STAG1: variants seen among roughly 807,000 people sequenced by gnomAD.
STAG1 encodes STAG1 cohesin complex component, also known as cohesin subunit SA-1.
STAG1 carries 26 observed loss-of-function variants against 170.9 expected under a neutral mutation model. The ratio of observed to expected loss-of-function variants is 0.15; its 90% CI spans 0.11 to 0.21. The LOEUF is 0.21. Ranked by LOEUF, STAG1 falls within the 10% of genes least tolerant of loss-of-function variation. The pLI is 1.00. For synonymous variants in STAG1, 514 were observed against 497.7 expected, an observed-to-expected ratio of 1.03 and a Z score of -0.44; for missense variants, 964 against 1,509.5, an observed-to-expected ratio of 0.64 and a Z score of 5.99.
intron 1 of STAG1, among the ~76,000 whole-genome samples, chr3:136,697,174 A>G (rs1016460369): frequency 1.3e-5 from 2 of 152,216 alleles, no homozygotes; most frequent in East Asian, 1.9e-4. Flanking sequence ...TTATAAATTA[A>G]AATTTTCCAC....
intron 1 of STAG1, among the ~76,000 whole-genome samples, chr3:136,691,473 A>G (rs1247359268): frequency 6.6e-6 from 1 of 152,076 alleles, no homozygotes; most frequent in Non-Finnish European, 1.5e-5. Flanking sequence ...ACATTCCTAC[A>G]GTCCCAGCTA....
chr3:136,663,551 T>C (rs1248306524), intron 1 of STAG1, among the ~76,000 whole-genome samples: 1 of 152,208 alleles, frequency 6.6e-6, no homozygotes, highest in East Asian at 1.9e-4. Flanking sequence ...CAAGCAATCA[T>C]GTTTTCATCA....
intron 4 of STAG1, among the ~76,000 whole-genome samples, chr3:136,569,440 TTAGGG>T (rs2107762817): frequency 6.7e-6 from 1 of 149,202 alleles, no homozygotes; most frequent in African/African-American, 2.4e-5. Context: ...TCTAGGAAAA[TTAGGG>T]TTCAATAAAA....
chr3:136,630,816 GT>G, intron 2 of STAG1, 53 bp downstream of exon 2: 1 of 1,265,262 alleles, frequency 7.9e-7, no homozygotes, highest in Non-Finnish European at 1.1e-6. Flanking sequence ...AAAGAAATAA[GT>G]TGTCCAAAAT....
intron 12 of STAG1, among the ~76,000 whole-genome samples, chr3:136,469,362 C>T (rs1289235323): frequency 6.6e-6 from 1 of 152,140 alleles, no homozygotes; most frequent in East Asian, 1.9e-4. Flanking sequence ...AGAGCCAAAT[C>T]ACGAGTGAAC....
intron 5 of STAG1, among the ~76,000 whole-genome samples, chr3:136,555,705 GTCAATCAA>G (rs1005455412): frequency 7.5e-6 from 1 of 133,008 alleles, no homozygotes; most frequent in East Asian, 1.9e-4. Flanking sequence ...CAATCAATCA[GTCAATCAA>G]TCAATCAAGT....
intron 1 of STAG1, among the ~76,000 whole-genome samples, chr3:136,687,396 T>G (rs1001239097): frequency 6.6e-6 from 1 of 152,212 alleles, no homozygotes; most frequent in African/African-American, 2.4e-5. Context: ...ATTTTTTTTC[T>G]TGAATTATAT....
intron 7 of STAG1, among the ~76,000 whole-genome samples, chr3:136,511,177 T>C (rs1291970678): frequency 6.6e-6 from 1 of 152,204 alleles, no homozygotes; most frequent in Non-Finnish European, 1.5e-5. Context: ...CATTCTGCCA[T>C]GATTGTAAGT....
chr3:136,336,898 C>T lies in STAG1; in HGVS notation c.*1356G>A, dbSNP rs1188235764. Reference sequence around the variant, plus strand: ...GTTGCAGCTACTTTAAAAACCAGCCCAGAAACAGCTGTGGATGAATTGGTT... The same window carrying T: ...GTTGCAGCTACTTTAAAAACCAGCCTAGAAACAGCTGTGGATGAATTGGTT... On this transcript the variant is annotated 3_prime_UTR_variant, in exon 34 of 34. Transcript: ENST00000383202. 6.6e-6 allele frequency: 1 copy of T among 152,156 alleles called. No homozygotes were observed. Among genetic ancestry groups the T allele is most frequent in the Non-Finnish European group, 1.5e-5 (1 of 68,034 alleles). 9.4% of individuals were successfully genotyped at this position (152,156 alleles called of 1,614,324 possible).
intron 1 of STAG1, among the ~76,000 whole-genome samples, chr3:136,714,287 A>C (rs1943462806): frequency 6.6e-6 from 1 of 152,210 alleles, no homozygotes; most frequent in East Asian, 1.9e-4. Flanking sequence ...TTAGGGTGTG[A>C]AAATATTTTT....
intron 3 of STAG1, among the ~76,000 whole-genome samples, chr3:136,617,856 A>G (rs1939667812): frequency 6.6e-6 from 1 of 152,232 alleles, no homozygotes; most frequent in Non-Finnish European, 1.5e-5. Context: ...AAACTTTGGA[A>G]TTTGAATATT....
In STAG1 at chr3:136,352,662, T is replaced by C. The variant is rs373072707; in HGVS notation, c.3066-3299A>G. On this transcript the variant is annotated intron_variant, in intron 28 of 33. Coordinates refer to ENST00000383202, the MANE Select transcript of STAG1 (RefSeq NM_005862.3). ...TGATAGTGCTTTTAGCTGTGTACTT[T>C]AATGGTGAGTACCTATACAATCATT... Among the ~76,000 whole-genome samples, 29 of 152,330 alleles carry C rather than the reference T, an allele frequency of 1.9e-4. 3 individuals are homozygous for C. Among genetic ancestry groups the C allele is most frequent in the Admixed American group, 8.5e-4 (13 of 15,298 alleles).
At chr3:136,535,465 C>G (rs1935573389) in intron 6 of STAG1, among the ~76,000 whole-genome samples, 1 of 152,188 alleles carries the variant, frequency 6.6e-6, no homozygotes, top group Non-Finnish European at 1.5e-5. Context: ...GAGTTCAAGA[C>G]CAGCCTGGCC....
intron 28 of STAG1, among the ~76,000 whole-genome samples, chr3:136,350,583 C>A (rs1936398934): frequency 6.6e-6 from 1 of 152,160 alleles, no homozygotes; most frequent in South Asian, 2.1e-4. Flanking sequence ...TACTCTCTCC[C>A]CTGCTCAAAG....
intron 15 of STAG1, among the ~76,000 whole-genome samples, chr3:136,435,426 G>A (rs755653605): frequency 6.6e-6 from 1 of 151,926 alleles, no homozygotes; most frequent in Non-Finnish European, 1.5e-5. Context: ...TAAGCACTAC[G>A]CTATACTGTC....
intron 5 of STAG1, among the ~76,000 whole-genome samples, chr3:136,550,618 T>C (rs1354902072): frequency 1.3e-5 from 2 of 152,150 alleles, no homozygotes; most frequent in Admixed American, 1.3e-4. Flanking sequence ...AGCTTTTCTT[T>C]TTCTCCATAA....
At chr3:136,409,469 T>G (rs1477868907) in intron 21 of STAG1, among the ~76,000 whole-genome samples, 2 of 151,964 alleles carry the variant, frequency 1.3e-5, no homozygotes, top group Non-Finnish European at 1.5e-5. Context: ...CCCGAGTAGC[T>G]GGGATTACAG....
chr3:136,442,855 G>A (rs943758736), intron 15 of STAG1, among the ~76,000 whole-genome samples: 2 of 152,184 alleles, frequency 1.3e-5, no homozygotes, highest in South Asian at 2.1e-4. Flanking sequence ...TAAGATCCCT[G>A]TCTCCACAAA....
At chr3:136,560,219 T>C (rs1212580143) in intron 5 of STAG1, among the ~76,000 whole-genome samples, 1 of 152,216 alleles carries the variant, frequency 6.6e-6, no homozygotes, top group East Asian at 1.9e-4. Context: ...TTCCTTGTTA[T>C]ATTCAACTAA....
Sources: gnomAD v4.1 joint callset for allele counts (sites outside exome capture counted in the v4.1 genomes callset) on GRCh38, gnomAD v4.1.1 for gene constraint, MANE v1.5 for transcripts, NCBI Gene and HGNC (gene_info 2026-07-23, HGNC 2026-07-21) for gene names.